The following FAM219A variants were observed in gnomAD, a reference collection of about 807,000 sequenced individuals.
FAM219A encodes family with sequence similarity 219 member A, also known as protein FAM219A.
FAM219A carries 7 observed loss-of-function variants against 23.4 expected under a neutral mutation model. The ratio of observed to expected loss-of-function variants is 0.30; its 90% CI spans 0.17 to 0.56. The LOEUF is 0.56. FAM219A is among the 20% of genes least tolerant of loss of function. The probability of loss-of-function intolerance (pLI) is 0.92; values close to 1 mark genes in which losing one functional copy is unlikely to be tolerated. For missense variants in FAM219A, 166 were observed against 246.9 expected (o/e 0.67, Z 2.20); for synonymous variants, 93 against 99.0 (o/e 0.94, Z 0.36).
chr9:34,412,141 G>A (rs1821845640), intron 1 of FAM219A, among the ~76,000 whole-genome samples: 1 of 152,148 alleles, frequency 6.6e-6, no homozygotes, highest in Admixed American at 6.5e-5. Flanking sequence ...CCCTCCGATA[G>A]CCATGTGCAA....
At chr9:34,429,291 AG>A (rs1822603115) in intron 1 of FAM219A, among the ~76,000 whole-genome samples, 1 of 152,226 alleles carries the variant, frequency 6.6e-6, no homozygotes, top group East Asian at 1.9e-4. Context: ...AGCCTAAAAG[AG>A]GTGAAGAAAA....
chr9:34,442,860 C>A (rs1005059734), intron 1 of FAM219A, among the ~76,000 whole-genome samples: 7 of 152,008 alleles, frequency 4.6e-5, no homozygotes, highest in Non-Finnish European at 1.0e-4. Context: ...AGAAAATTAT[C>A]ATTTTTAGAG....
chr9:34,424,724 CACA>C (rs1359756851), intron 1 of FAM219A, among the ~76,000 whole-genome samples: 1 of 152,224 alleles, frequency 6.6e-6, no homozygotes, highest in African/African-American at 2.4e-5. Flanking sequence ...TCCCAGAACC[CACA>C]ACACTTGTTC....
chr9:34,458,320 C>G lies in FAM219A; in HGVS notation c.-57G>C. Reference sequence around the variant, plus strand: ...GCGCGGCCGCGGACGCCGACAGGACCGCGCGGGGCGGCGGCCCCAGGAGCC... The same window carrying G: ...GCGCGGCCGCGGACGCCGACAGGACGGCGCGGGGCGGCGGCCCCAGGAGCC... On this transcript the variant is annotated 5_prime_UTR_variant, in exon 1 of 6. Coordinates refer to ENST00000651358, the MANE Select transcript of FAM219A (RefSeq NM_001184940.2). The surrounding 1 kb of genome is among the most constrained non-coding windows in gnomAD (Gnocchi z 6.6). 3.3e-6 allele frequency: 4 copies of G among 1,212,226 alleles called. No homozygotes were observed. The highest frequency in any genetic ancestry group is 2.1e-6 in the Non-Finnish European group (2 of 972,942). 75.1% of individuals were successfully genotyped at this position (1,212,226 alleles called of 1,614,324 possible). A position where few individuals can be genotyped will look rare whatever the true frequency, so the allele number is the denominator to read the frequency against.
intron 1 of FAM219A, among the ~76,000 whole-genome samples, chr9:34,436,659 G>A (rs1822934311): frequency 1.3e-5 from 2 of 152,220 alleles, no homozygotes; most frequent in African/African-American, 4.8e-5. Flanking sequence ...TATATTTTGA[G>A]ACACTGTTGC....
chr9:34,454,220 G>A (rs893351627), intron 1 of FAM219A, among the ~76,000 whole-genome samples: 2 of 152,208 alleles, frequency 1.3e-5, no homozygotes, highest in Admixed American at 6.5e-5. Context: ...GGCAGATCAT[G>A]AGGTCGAGAG....
intron 1 of FAM219A, among the ~76,000 whole-genome samples, chr9:34,414,228 C>CAT (rs1378555488): frequency 6.6e-6 from 1 of 152,222 alleles, no homozygotes; most frequent in Non-Finnish European, 1.5e-5. Context: ...CACACCTCAA[C>CAT]ATATGAGTTA....
intron 1 of FAM219A, among the ~76,000 whole-genome samples, chr9:34,409,947 AATAGT>A (rs1195177112): frequency 6.6e-6 from 1 of 152,264 alleles, no homozygotes; most frequent in Non-Finnish European, 1.5e-5. Flanking sequence ...AAGTAGAGAA[AATAGT>A]ATAGTGAGAT....
At chr9:34,435,152 G>A (rs1822856588) in intron 1 of FAM219A, among the ~76,000 whole-genome samples, 1 of 152,094 alleles carries the variant, frequency 6.6e-6, no homozygotes, top group South Asian at 2.1e-4. Flanking sequence ...CCAAAGAAAT[G>A]CCCTGCCTCC....
At chr9:34,439,643 G>A (rs759720953) in intron 1 of FAM219A, among the ~76,000 whole-genome samples, 2 of 152,056 alleles carry the variant, frequency 1.3e-5, no homozygotes, top group African/African-American at 4.8e-5. Flanking sequence ...AAGGTAGAAG[G>A]TGCAGCAAAA....
chr9:34,440,184 CAGCTGGTCCCT>C (rs1219088561), intron 1 of FAM219A, among the ~76,000 whole-genome samples: 2 of 152,202 alleles, frequency 1.3e-5, no homozygotes, highest in Non-Finnish European at 2.9e-5. Context: ...AGCTGTTGCA[CAGCTGGTCCCT>C]AGCTAGCCTC....
At chr9:34,402,176 C>A (rs957608755) in intron 4 of FAM219A, 22 of 1,494,970 alleles carry the variant, frequency 1.5e-5, no homozygotes, top group East Asian at 4.9e-5. Context: ...CAGCAGACAA[C>A]GCAGGCCCCC....
At chr9:34,450,094 T>C (rs544147205) in intron 1 of FAM219A, among the ~76,000 whole-genome samples, 2 of 152,216 alleles carry the variant, frequency 1.3e-5, no homozygotes, top group East Asian at 3.9e-4. Context: ...AATAGATCGC[T>C]TGAGCTCAGG....
In FAM219A at chr9:34,458,157, A is replaced by G. The variant is rs748436836; in HGVS notation, c.60+47T>C. 1 of 1,530,522 alleles carries G rather than the reference A, an allele frequency of 6.5e-7. No homozygotes were observed. Among genetic ancestry groups the G allele is most frequent in the Non-Finnish European group, 8.8e-7 (1 of 1,141,668 alleles). The allele number at this position is 1,530,522 out of a possible 1,614,324, so 94.8% of individuals were successfully genotyped here. A position where few individuals can be genotyped will look rare whatever the true frequency, so the allele number is the denominator to read the frequency against. On this transcript the variant is annotated intron_variant, in intron 1 of 5. Coordinates refer to ENST00000651358, the MANE Select transcript of FAM219A (RefSeq NM_001184940.2). This position sits in a 1 kb window ranked among gnomAD's most constrained non-coding sequence, Gnocchi z 6.6. ...GGCCTGATTCCCTCCCTCCCCCTCA[A>G]GCGACGCCCCCTCCGGCCTTGGCCT...
intron 1 of FAM219A, among the ~76,000 whole-genome samples, chr9:34,456,731 A>C (rs1823743642): frequency 6.6e-6 from 1 of 152,204 alleles, no homozygotes; most frequent in Non-Finnish European, 1.5e-5. Context: ...TGATGGCATG[A>C]GGCTAGGAAA....
At position 34,455,011 on chromosome 9, in the gene FAM219A, T is replaced by C. The variant is rs1317117579; in HGVS notation, c.60+3193A>G. On this transcript the variant is annotated intron_variant, in intron 1 of 5. Transcript: ENST00000651358. ...AGGCTTAATGAGTCAGCCCCTACTC[T>C]GCCCTCAGTGGAGGATCACACTAAG... is the stretch of plus-strand genomic sequence containing the variant. Among the ~76,000 whole-genome samples, 5 of 152,182 alleles carry C rather than the reference T, an allele frequency of 3.3e-5. No individual in the cohort carries two copies. In the East Asian group the frequency reaches 9.6e-4, roughly 29 times the overall value.
At chr9:34,430,888 C>T (rs1290616944) in intron 1 of FAM219A, among the ~76,000 whole-genome samples, 2 of 145,532 alleles carry the variant, frequency 1.4e-5, no homozygotes, top group South Asian at 2.2e-4. Context: ...GGCACAATGC[C>T]TTAAGGACAC....
At chr9:34,420,944 C>T (rs554691729) in intron 1 of FAM219A, among the ~76,000 whole-genome samples, 1 of 151,436 alleles carries the variant, frequency 6.6e-6, no homozygotes, top group South Asian at 2.1e-4. Flanking sequence ...CACACCACTG[C>T]ACTCCAGCCT....
In FAM219A at chr9:34,458,498, C is replaced by G. The variant is rs1823855177; in HGVS notation, c.-235G>C. 2.6e-5 allele frequency: 10 copies of G among 377,448 alleles called. No homozygotes were observed. The highest frequency in any genetic ancestry group is 4.3e-5 in the Non-Finnish European group (9 of 209,776). 23.4% of individuals were successfully genotyped at this position (377,448 alleles called of 1,614,324 possible). ...AGCACTACCGCGGCTGTGGCCGGGC[C>G]GAGCCGCAGGTCTTGCCTCGCCTCC... On this transcript the variant is annotated 5_prime_UTR_variant, in exon 1 of 6. Transcript: ENST00000651358. The surrounding 1 kb of genome is among the most constrained non-coding windows in gnomAD (Gnocchi z 6.6).
Sources: gnomAD v4.1 joint callset for allele counts (sites outside exome capture counted in the v4.1 genomes callset) on GRCh38, gnomAD v4.1.1 for gene constraint, Gnocchi (gnomAD v3.1) non-coding constraint, MANE v1.5 for transcripts, NCBI Gene and HGNC (gene_info 2026-07-23, HGNC 2026-07-21) for gene names.